OTUD7A: variants seen among roughly 807,000 people sequenced by gnomAD.
OTUD7A encodes the protein OTU deubiquitinase 7A, also known as OTU domain-containing protein 7A.
Under a neutral mutation model 65.7 loss-of-function variants are expected in OTUD7A, and 12 were observed. The ratio of observed to expected loss-of-function variants is 0.18; its 90% CI spans 0.12 to 0.30. The LOEUF is 0.30. Among genes scored for constraint, OTUD7A ranks in the 10% least tolerant of loss-of-function variants. The pLI is 1.00. For synonymous variants in OTUD7A, 641 were observed against 586.3 expected (o/e 1.09, Z -1.35); for missense variants, 1,148 against 1,304.8 (o/e 0.88, Z 1.85).
At chr15:31,860,571 T>C (rs1897691389) in intron 1 of OTUD7A, among the ~76,000 whole-genome samples, 2 of 143,640 alleles carry the variant, frequency 1.4e-5, no homozygotes. Flanking sequence ...TCATTTCTAA[T>C]TATAAATACT....
intron 3 of OTUD7A, among the ~76,000 whole-genome samples, chr15:31,608,733 G>C (rs1566941904): frequency 1.3e-5 from 2 of 152,240 alleles, no homozygotes; most frequent in African/African-American, 4.8e-5. Context: ...TATTTTAAAA[G>C]ATAATGGTGG....
At position 31,482,516 on chromosome 15, in the gene OTUD7A, C is replaced by A. The variant is rs2041141462; in HGVS notation, c.*778G>T. The stretch of plus-strand genomic sequence containing the variant: ...GCAAATCCAAATTGTGAGATGGGAA[C>A]CCTGCTTTTTGGACCCTAGGTGTCT... On this transcript the variant is annotated 3_prime_UTR_variant, in exon 13 of 13. Transcript: ENST00000307050. 1 of 152,324 alleles carries A rather than the reference C, an allele frequency of 6.6e-6. No individual in the cohort carries two copies. Among genetic ancestry groups the A allele is most frequent in the Non-Finnish European group, 1.5e-5 (1 of 68,126 alleles). The allele number at this position is 152,324 out of a possible 1,614,324, so 9.4% of individuals were successfully genotyped here.
At chr15:31,570,652 T>C (rs1889023217) in intron 3 of OTUD7A, among the ~76,000 whole-genome samples, 2 of 152,188 alleles carry the variant, frequency 1.3e-5, no homozygotes, top group Non-Finnish European at 2.9e-5. Flanking sequence ...TTAAGCTTAA[T>C]ATGAGCGAAG....
At chr15:31,814,352 G>A (rs2140964845) in intron 1 of OTUD7A, among the ~76,000 whole-genome samples, 1 of 152,304 alleles carries the variant, frequency 6.6e-6, no homozygotes, top group Non-Finnish European at 1.5e-5. Context: ...CTAGGAGTCA[G>A]CCCAGCCGAG....
chr15:31,745,336 G>A (rs1246453164), intron 1 of OTUD7A, among the ~76,000 whole-genome samples: 2 of 152,054 alleles, frequency 1.3e-5, no homozygotes, highest in East Asian at 3.8e-4. Context: ...TGGGCATGAA[G>A]GCAAATATAT....
chr15:31,605,283 T>G (rs1428243105), intron 3 of OTUD7A, among the ~76,000 whole-genome samples: 2 of 152,096 alleles, frequency 1.3e-5, no homozygotes, highest in African/African-American at 4.8e-5. Flanking sequence ...TCTCCATCAT[T>G]CTGGCTCCCT....
chr15:31,492,184 ATGTC>A (rs1369045994), intron 10 of OTUD7A, among the ~76,000 whole-genome samples: 37 of 152,364 alleles, frequency 2.4e-4, no homozygotes, highest in African/African-American at 8.7e-4. Flanking sequence ...TAAAAATAAA[ATGTC>A]TGATAATAGC....
rs182290211 is a variant in OTUD7A at position 31,836,128 on chromosome 15, G to A, written c.-100+34379C>T. ...GCATATCCCCTGTGATAACACCACC[G>A]AGAAACCAAAACTTTTTTTCCGAAA... On this transcript the variant is annotated intron_variant, in intron 1 of 12. Coordinates refer to ENST00000307050, the MANE Select transcript of OTUD7A (RefSeq NM_001382637.1). 4.3e-4 allele frequency among the ~76,000 whole-genome samples: 66 copies of A among 151,920 alleles called. 1 individual carries two copies. In the East Asian group the frequency reaches 9.9e-3, roughly 23 times the overall value.
chr15:31,568,948 G>T (rs925074425), intron 4 of OTUD7A, among the ~76,000 whole-genome samples: 1 of 152,206 alleles, frequency 6.6e-6, no homozygotes, highest in African/African-American at 2.4e-5. Context: ...TTCCTGTAAA[G>T]CCTGCAGAAC....
chr15:31,805,585 T>C (rs1896248452), intron 1 of OTUD7A, among the ~76,000 whole-genome samples: 1 of 152,242 alleles, frequency 6.6e-6, no homozygotes, highest in Middle Eastern at 3.2e-3. Context: ...TAGAGAGGCA[T>C]ATTTGGAACT....
At chr15:31,499,426 T>G (rs2041431782) in intron 10 of OTUD7A, among the ~76,000 whole-genome samples, 1 of 152,218 alleles carries the variant, frequency 6.6e-6, no homozygotes, top group Non-Finnish European at 1.5e-5. Context: ...GTCCTGCGAC[T>G]TTGCGGTCTG....
At chr15:31,690,819 A>G (rs1892944213) in intron 1 of OTUD7A, among the ~76,000 whole-genome samples, 1 of 152,264 alleles carries the variant, frequency 6.6e-6, no homozygotes, top group African/African-American at 2.4e-5. Context: ...AGCTAAACCT[A>G]TAAAACTCAT....
At position 31,772,251 on chromosome 15, in the gene OTUD7A, C is replaced by CAA. The variant is rs34676002; in HGVS notation, c.-100+98254_-100+98255dup. Among the ~76,000 whole-genome samples the CAA allele has an allele frequency of 7.1e-3, 570 of 80,530 alleles. 6 individuals are homozygous for CAA. Among genetic ancestry groups the CAA allele is most frequent in the African/African-American group, 0.021 (437 of 20,532 alleles). 52.8% of individuals were successfully genotyped at this position (80,530 alleles called of 152,430 possible). On this transcript the variant is annotated intron_variant, in intron 1 of 12. Transcript: ENST00000307050. The stretch of plus-strand genomic sequence containing the variant: ...TGGGCGACAGAGCGAGACTCCGTCT[C>CAA]AAAAAAAAAAAAAAAAAAAATATTT...
At chr15:31,744,720 G>A (rs1894432295) in intron 1 of OTUD7A, among the ~76,000 whole-genome samples, 1 of 151,992 alleles carries the variant, frequency 6.6e-6, no homozygotes, top group Admixed American at 6.5e-5. Flanking sequence ...GAGGGATAAA[G>A]GTTAAAAAGG....
intron 1 of OTUD7A, among the ~76,000 whole-genome samples, chr15:31,753,158 C>T (rs1894684679): frequency 6.6e-6 from 1 of 151,990 alleles, no homozygotes; most frequent in Non-Finnish European, 1.5e-5. Context: ...GCTAAGGTGC[C>T]AGCAGTTTTA....
intron 3 of OTUD7A, among the ~76,000 whole-genome samples, chr15:31,642,816 A>T (rs1348837364): frequency 4.6e-5 from 7 of 151,640 alleles, no homozygotes; most frequent in Non-Finnish European, 1.0e-4. Context: ...AATTTTATTG[A>T]TCTCAAAGAA....
chr15:31,724,051 A>C (rs1232221932), intron 1 of OTUD7A, among the ~76,000 whole-genome samples: 1 of 147,180 alleles, frequency 6.8e-6, no homozygotes, highest in Non-Finnish European at 1.5e-5. Flanking sequence ...TTAACTTTTC[A>C]CATGTTTATT....
At chr15:31,505,748 ATT>A (rs58989170) in intron 8 of OTUD7A, among the ~76,000 whole-genome samples, 7 of 145,454 alleles carry the variant, frequency 4.8e-5, no homozygotes, top group African/African-American at 1.0e-4. Flanking sequence ...ATTGAAGTTA[ATT>A]TTTTTTTTTT....
rs532793688 is a variant in OTUD7A at position 31,607,910 on chromosome 15, T to C, written c.152-37713A>G. On this transcript the variant is annotated intron_variant, in intron 3 of 12. Coordinates refer to ENST00000307050, the MANE Select transcript of OTUD7A (RefSeq NM_001382637.1). ...TAGAATGTATCTCATCATTAAGTGATGCATGACTGTAGTCTAAAATAATTA... is the reference window on the plus strand; with the variant it reads ...TAGAATGTATCTCATCATTAAGTGACGCATGACTGTAGTCTAAAATAATTA... Among the ~76,000 whole-genome samples the C allele has an allele frequency of 2.6e-5, 4 of 152,332 alleles. No homozygotes were observed. The East Asian group carries it at 5.8e-4, about 22-fold the overall frequency.
Sources: allele counts gnomAD v4.1 joint callset (sites outside exome capture counted in the v4.1 genomes callset), GRCh38; gene constraint gnomAD v4.1.1; transcripts MANE v1.5; gene names NCBI Gene and HGNC (gene_info 2026-07-23, HGNC 2026-07-21).